Variants in TTC7A observed in about 807,000 individuals in gnomAD.
The protein encoded by TTC7A is tetratricopeptide repeat protein 7A.
Under a neutral mutation model 103.7 loss-of-function variants are expected in TTC7A, and 110 were observed. That is an observed-to-expected ratio of 1.06 (90% confidence interval 0.91 to 1.24). The LOEUF (loss-of-function observed/expected upper bound fraction) is 1.24. Among genes scored for constraint, TTC7A ranks in the 50% most tolerant of loss-of-function variants. The probability of loss-of-function intolerance (pLI) is 0.00; values close to 1 mark genes in which losing one functional copy is unlikely to be tolerated. For synonymous variants in TTC7A, 521 were observed against 467.9 expected, an observed-to-expected ratio of 1.11 and a Z score of -1.47; for missense variants, 1,340 against 1,116.3, an observed-to-expected ratio of 1.20 and a Z score of -2.86.
Position 47,006,743 on chromosome 2 carries a change from T to A in TTC7A, c.1287+19T>A, listed in dbSNP as rs1291982645. On this transcript the variant is annotated intron_variant, in intron 10 of 19. Transcript: ENST00000319190. The stretch of plus-strand genomic sequence containing the variant: ...TGGGAAGGTAAGGCCCAGGGGGCGC[T>A]AGGGGTTGCACACTCACCCGCAGGG... The A allele has an allele frequency of 3.8e-6, 6 of 1,593,876 alleles. No homozygotes were observed. Among genetic ancestry groups the A allele is most frequent in the Non-Finnish European group, 5.2e-6 (6 of 1,161,670 alleles).
chr2:47,058,303 C>G (rs1190900973), intron 18 of TTC7A, among the ~76,000 whole-genome samples: 1 of 152,178 alleles, frequency 6.6e-6, no homozygotes, highest in East Asian at 1.9e-4. Flanking sequence ...AGAGAAAAAC[C>G]AGAGTCCTCT....
intron 5 of TTC7A, among the ~76,000 whole-genome samples, chr2:46,987,477 C>G (rs1675132093): frequency 6.6e-6 from 1 of 152,180 alleles, no homozygotes; most frequent in Non-Finnish European, 1.5e-5. Flanking sequence ...TGGGCATCTC[C>G]CAAGGACAAG....
chr2:47,055,000 C>G (rs1683200666), intron 18 of TTC7A, among the ~76,000 whole-genome samples: 1 of 151,988 alleles, frequency 6.6e-6, no homozygotes, highest in Admixed American at 6.6e-5. Context: ...CCCCTGAGCC[C>G]TCTCCCCTCC....
At chr2:46,941,205 G>C (rs1456736547), upstream of TTC7A, 6 of 148,450 alleles carry the variant, frequency 4.0e-5, no homozygotes, top group South Asian at 5.3e-4. This position sits in a 1 kb window ranked among gnomAD's most constrained non-coding sequence, Gnocchi z 4.2. Context: ...TGGCGGCGCC[G>C]GGGCCCGGGG....
rs547580934 is a variant in TTC7A at position 47,017,914 on chromosome 2, A to T, written c.1393-3948A>T. Among the ~76,000 whole-genome samples, 13 of 140,570 alleles carry T rather than the reference A, an allele frequency of 9.2e-5. No homozygotes were observed. In the East Asian group the frequency reaches 2.6e-3, roughly 28 times the overall value. 92.2% of individuals were successfully genotyped at this position (140,570 alleles called of 152,430 possible). A position where few individuals can be genotyped will look rare whatever the true frequency, so the allele number is the denominator to read the frequency against. ...TTTAAAACCATGGAAGATTAATTGTATAATACATATACAAAATATGGATAT... is the reference window on the plus strand; with the variant it reads ...TTTAAAACCATGGAAGATTAATTGTTTAATACATATACAAAATATGGATAT... On this transcript the variant is annotated intron_variant, in intron 11 of 19. Coordinates refer to ENST00000319190, the MANE Select transcript of TTC7A (RefSeq NM_020458.4).
At position 47,024,321 on chromosome 2, in the gene TTC7A, A is replaced by T. The variant is rs749071692; in HGVS notation, c.1603A>T (p.Ile535Phe). The T allele has an allele frequency of 3.0e-5, 49 of 1,609,076 alleles. 1 individual carries two copies. In the South Asian group the frequency reaches 5.1e-4, roughly 17 times the overall value. The change falls in exon 14 of 20, where the codon ATC becomes TTC. Residue 535 changes from isoleucine (I) to phenylalanine (F), a missense_variant. Physicochemically the swap from Ile to Phe is conservative, Grantham distance 21. Coordinates refer to ENST00000319190, the MANE Select transcript of TTC7A (RefSeq NM_020458.4). Reference sequence around the variant, plus strand: ...GCTGGCGCCCAGTGACCCCCAGGTCATCCTCTATGTCTCGCTGCAGCTGGC... The same window carrying T: ...GCTGGCGCCCAGTGACCCCCAGGTCTTCCTCTATGTCTCGCTGCAGCTGGC... ...QQLAPSDPQV[I>F]LYVSLQLALV... is the part of the protein sequence containing the mutation.
At chr2:46,983,950 A>G (rs375772312) in intron 5 of TTC7A, among the ~76,000 whole-genome samples, 3 of 152,176 alleles carry the variant, frequency 2.0e-5, no homozygotes. Flanking sequence ...GGACAGTTCT[A>G]ATTTCAATAC....
intron 8 of TTC7A, chr2:46,999,341 C>A: frequency 4.8e-6 from 1 of 207,596 alleles, no homozygotes; most frequent in Non-Finnish European, 8.4e-6. Context: ...TCCACCTATT[C>A]ATCCACCTAT....
chr2:47,063,069 G>A (rs943703717), intron 19 of TTC7A, among the ~76,000 whole-genome samples: 1 of 152,200 alleles, frequency 6.6e-6, no homozygotes, highest in Non-Finnish European at 1.5e-5. Flanking sequence ...AAAGACATTT[G>A]AACACTTTAG....
Position 47,021,859 on chromosome 2 carries a change from C to G in TTC7A, c.1393-3C>G. 6.2e-7 allele frequency: 1 copy of G among 1,611,194 alleles called. No homozygotes were observed. Among genetic ancestry groups the G allele is most frequent in the East Asian group, 2.2e-5 (1 of 44,858 alleles). On this transcript the variant is annotated splice_polypyrimidine_tract_variant and splice_region_variant and intron_variant, in intron 11 of 19. Coordinates refer to ENST00000319190, the MANE Select transcript of TTC7A (RefSeq NM_020458.4). The stretch of plus-strand genomic sequence containing the variant: ...CCATGACCTCTGTCTCTCCTCTTTG[C>G]AGCTAGAGGAAGCAGAGCACTTTGC...
chr2:46,978,116 A>C (rs1477757458), intron 4 of TTC7A: 3 of 152,342 alleles, frequency 2.0e-5, no homozygotes, highest in African/African-American at 7.2e-5. Context: ...TGAGGTTTGC[A>C]TACACAGAAC....
intron 19 of TTC7A, among the ~76,000 whole-genome samples, chr2:47,069,923 C>T (rs1001562533): frequency 6.6e-6 from 1 of 151,918 alleles, no homozygotes; most frequent in Admixed American, 6.6e-5. Flanking sequence ...AAGGCTGTTA[C>T]AGAATCCCAG....
intron 15 of TTC7A, among the ~76,000 whole-genome samples, chr2:47,032,463 C>T (rs1680654602): frequency 6.6e-6 from 1 of 152,152 alleles, no homozygotes; most frequent in Admixed American, 6.5e-5. Context: ...CATCGCAGAG[C>T]GACTGCAAGG....
Position 46,941,548 on chromosome 2 carries a change from G to A in TTC7A, c.7G>A (p.Ala3Thr). 1 of 1,553,878 alleles carries A rather than the reference G, an allele frequency of 6.4e-7. No individual in the cohort carries two copies. Among genetic ancestry groups the A allele is most frequent in the Non-Finnish European group, 8.7e-7 (1 of 1,149,122 alleles). The change falls in exon 1 of 20, where the codon GCG becomes ACG. Residue 3 changes from alanine to threonine, a missense_variant. Transcript: ENST00000319190. The surrounding 1 kb of genome is among the most constrained non-coding windows in gnomAD (Gnocchi z 4.2). MAAKGAHGSYLKV... is the reference protein window; with the variant it reads MATKGAHGSYLKV... ...TGACAGCGCCCGCGAGAAGATGGCT[G>A]CGAAGGGCGCGCACGGCTCCTACCT...
intron 2 of TTC7A, among the ~76,000 whole-genome samples, chr2:46,931,651 A>T (rs1012758435): frequency 1.3e-5 from 2 of 151,938 alleles, no homozygotes; most frequent in Non-Finnish European, 2.9e-5. Context: ...ATGTTTCTAG[A>T]GGCCAGCTGG....
At chr2:47,062,580 T>C (rs1452546480) in intron 19 of TTC7A, among the ~76,000 whole-genome samples, 2 of 152,212 alleles carry the variant, frequency 1.3e-5, no homozygotes, top group East Asian at 1.9e-4. Flanking sequence ...GGGTGTGGGC[T>C]ATATCATTGG....
intron 2 of TTC7A, among the ~76,000 whole-genome samples, chr2:46,921,914 G>A (rs879347553): frequency 1.3e-5 from 2 of 152,188 alleles, no homozygotes; most frequent in African/African-American, 2.4e-5. Context: ...ATGCTCACTC[G>A]CCCACCCAGT....
At chr2:47,052,471 A>C (rs1029572652) in intron 18 of TTC7A, among the ~76,000 whole-genome samples, 1 of 152,190 alleles carries the variant, frequency 6.6e-6, no homozygotes, top group African/African-American at 2.4e-5. Flanking sequence ...GGTGGCCATT[A>C]CAAGTGCTCA....
Position 47,007,155 on chromosome 2 carries a change from G to T in TTC7A, c.1287+431G>T, listed in dbSNP as rs1677504567. On this transcript the variant is annotated intron_variant, in intron 10 of 19. Coordinates refer to ENST00000319190, the MANE Select transcript of TTC7A (RefSeq NM_020458.4). This position sits in a 1 kb window ranked among gnomAD's most constrained non-coding sequence, Gnocchi z 4.9. ...ACTGGAGACTTGCCTCGGAGGGGAAGCTTAAAGGGCAGAGCAGAACAGCAG... is the reference window on the plus strand; with the variant it reads ...ACTGGAGACTTGCCTCGGAGGGGAATCTTAAAGGGCAGAGCAGAACAGCAG... Among the ~76,000 whole-genome samples, 1 of 152,130 alleles carries T rather than the reference G, an allele frequency of 6.6e-6. No homozygotes were observed. Among genetic ancestry groups the T allele is most frequent in the African/African-American group, 2.4e-5 (1 of 41,414 alleles).
Sources: gnomAD v4.1 joint callset for allele counts (sites outside exome capture counted in the v4.1 genomes callset) on GRCh38, gnomAD v4.1.1 for gene constraint, Gnocchi (gnomAD v3.1) non-coding constraint, MANE v1.5 for transcripts, NCBI Gene and HGNC (gene_info 2026-07-23, HGNC 2026-07-21) for gene names.